Variants in LAMC1 observed in about 807,000 individuals in gnomAD.
The protein encoded by LAMC1 is laminin subunit gamma 1, also known as laminin subunit gamma-1.
Under a neutral mutation model 173.6 loss-of-function variants are expected in LAMC1, and 38 were observed. The observed-to-expected ratio is 0.22, with a 90% CI of 0.17 to 0.29. LAMC1 has a LOEUF of 0.29. Ranked by LOEUF, LAMC1 falls within the 10% of genes least tolerant of loss-of-function variation. The probability of loss-of-function intolerance (pLI) is 1.00; values close to 1 mark genes in which losing one functional copy is unlikely to be tolerated. For missense variants in LAMC1, 1,824 were observed against 2,051.8 expected, an observed-to-expected ratio of 0.89 and a Z score of 2.14; for synonymous variants, 746 against 749.1, an observed-to-expected ratio of 1.00 and a Z score of 0.07.
At chr1:183,057,064 T>C (rs1246089769) in intron 1 of LAMC1, among the ~76,000 whole-genome samples, 7 of 152,218 alleles carry the variant, frequency 4.6e-5, no homozygotes, top group African/African-American at 1.7e-4. Flanking sequence ...CAGGGCCTAC[T>C]TGGGCTGTTA....
At chr1:183,045,506 T>C (rs1654245258) in intron 1 of LAMC1, among the ~76,000 whole-genome samples, 1 of 152,120 alleles carries the variant, frequency 6.6e-6, no homozygotes, top group South Asian at 2.1e-4. Context: ...AGTATATTTT[T>C]GAAGTGTAGC....
At chr1:183,110,377 G>A (rs1178861467) in intron 3 of LAMC1, 111 bp from the exon 4 acceptor site, 3 of 802,750 alleles carry the variant, frequency 3.7e-6, no homozygotes, top group Non-Finnish European at 5.9e-6. Context: ...CAGTTCCCCA[G>A]TTTACACTTT....
chr1:183,117,273 G>C (rs1346880880), intron 8 of LAMC1, 47 bp from the exon 9 acceptor site: 1 of 1,567,912 alleles, frequency 6.4e-7, no homozygotes, highest in African/African-American at 1.4e-5. Flanking sequence ...CCTGAATTCA[G>C]GATGTTTACA....
Position 183,140,404 on chromosome 1 carries a change from G to A in LAMC1, c.4474G>A (p.Ala1492Thr), listed in dbSNP as rs1657080563. 6.2e-7 allele frequency: 1 copy of A among 1,607,692 alleles called. No homozygotes were observed. The highest frequency in any genetic ancestry group is 1.3e-5 in the African/African-American group (1 of 74,704). ...TCTTTGCCTCATTTTTCCCTTACAG[G>A]CTTCACAGGCTGCTCAAGAAGCCGA... ...ADQDMMMAGM[A>T]SQAAQEAEIN... is the part of the protein sequence containing the mutation. Residue 1492 changes from alanine to threonine, a missense_variant and splice_region_variant, in exon 27 of 28, where the codon GCT (alanine) becomes ACT (threonine). Physicochemically the swap from Ala to Thr is moderately conservative, Grantham distance 58. Coordinates refer to ENST00000258341, the MANE Select transcript of LAMC1 (RefSeq NM_002293.4).
At chr1:183,135,910 G>T (rs1170588475) in intron 24 of LAMC1, among the ~76,000 whole-genome samples, 1 of 122,344 alleles carries the variant, frequency 8.2e-6, no homozygotes, top group African/African-American at 2.9e-5. Context: ...AAAAAAAAAA[G>T]TAGTAGTTCA....
At position 183,023,514 on chromosome 1, in the gene LAMC1, A is replaced by G. The variant is rs1052429741; in HGVS notation, c.-203A>G. On this transcript the variant is annotated 5_prime_UTR_variant, in exon 1 of 28. Coordinates refer to ENST00000258341, the MANE Select transcript of LAMC1 (RefSeq NM_002293.4). Reference sequence around the variant, plus strand: ...AAGCGCGGAGGCGGCGCGCGGGGGCAGTGGTCGGCGAGCAGCGCGGTCCTC... The same window carrying G: ...AAGCGCGGAGGCGGCGCGCGGGGGCGGTGGTCGGCGAGCAGCGCGGTCCTC... The G allele has an allele frequency of 2.4e-5, 6 of 244,928 alleles. No homozygotes were observed. Among genetic ancestry groups the G allele is most frequent in the Admixed American group, 1.1e-4 (2 of 17,638 alleles). 15.2% of individuals were successfully genotyped at this position (244,928 alleles called of 1,614,324 possible). A position where few individuals can be genotyped will look rare whatever the true frequency, so the allele number is the denominator to read the frequency against.
chr1:183,109,575 G>A (rs1656083558), intron 3 of LAMC1, among the ~76,000 whole-genome samples: 1 of 152,194 alleles, frequency 6.6e-6, no homozygotes, highest in African/African-American at 2.4e-5. Context: ...TTCAGGTCAT[G>A]GGGGACATCA....
chr1:183,078,096 T>C (rs1288256254), intron 1 of LAMC1, among the ~76,000 whole-genome samples: 1 of 152,200 alleles, frequency 6.6e-6, no homozygotes, highest in Non-Finnish European at 1.5e-5. Flanking sequence ...AGAATTTTAT[T>C]ATATTTGATA....
intron 27 of LAMC1, chr1:183,141,289 A>G (rs1316826132): frequency 6.6e-6 from 1 of 152,284 alleles, no homozygotes; most frequent in African/African-American, 2.4e-5. Flanking sequence ...ACCCTGGGCA[A>G]CAGAGCGAAA....
chr1:183,138,006 G>C, intron 26 of LAMC1, 179 bp downstream of exon 26: 1 of 599,150 alleles, frequency 1.7e-6, no homozygotes, highest in African/African-American at 1.9e-5. Context: ...CTTCTGCCAG[G>C]TAATTTTGTT....
intron 1 of LAMC1, among the ~76,000 whole-genome samples, chr1:183,032,687 C>T (rs897593201): frequency 1.3e-5 from 2 of 151,996 alleles, no homozygotes; most frequent in Non-Finnish European, 2.9e-5. Context: ...CATGCCTGGC[C>T]TCTTTTTTTT....
intron 1 of LAMC1, among the ~76,000 whole-genome samples, chr1:183,057,353 A>G (rs971309188): frequency 1.3e-5 from 2 of 152,192 alleles, no homozygotes; most frequent in African/African-American, 4.8e-5. Flanking sequence ...TCCCTTTGCT[A>G]TCTTTGATGG....
chr1:183,127,527 T>A (rs1442736047), intron 17 of LAMC1, 123 bp downstream of exon 17: 2 of 791,496 alleles, frequency 2.5e-6, no homozygotes, highest in African/African-American at 1.7e-5. Flanking sequence ...CTTAAAGACT[T>A]ATGTTCCAGT....
intron 21 of LAMC1, 31 bp downstream of exon 21, chr1:183,132,568 C>T: frequency 6.4e-7 from 1 of 1,571,520 alleles, no homozygotes; most frequent in Non-Finnish European, 8.7e-7. Context: ...GTTTACACCC[C>T]TTCAGGTGTT....
At chr1:183,048,269 CA>C (rs1231522106) in intron 1 of LAMC1, among the ~76,000 whole-genome samples, 2 of 152,190 alleles carry the variant, frequency 1.3e-5, no homozygotes, top group African/African-American at 4.8e-5. Flanking sequence ...TACAAGGAAA[CA>C]TGCTGATAAA....
At chr1:183,077,772 T>TTGTGTGTGTGTGTG (rs796592939) in intron 1 of LAMC1, among the ~76,000 whole-genome samples, 5 of 78,428 alleles carry the variant, frequency 6.4e-5, no homozygotes, top group East Asian at 6.7e-4. Flanking sequence ...TTTATGGCCA[T>TTGTGTGTGTGTGTG]TGTGTATATA....
At chr1:183,041,317 A>G (rs1351471419) in intron 1 of LAMC1, among the ~76,000 whole-genome samples, 1 of 152,214 alleles carries the variant, frequency 6.6e-6, no homozygotes, top group East Asian at 1.9e-4. Context: ...TGTGGGTACT[A>G]CTACATTTTT....
chr1:183,114,419 A>C, intron 4 of LAMC1, 112 bp from the exon 5 acceptor site: 1 of 1,064,986 alleles, frequency 9.4e-7, no homozygotes, highest in Admixed American at 1.8e-5. Flanking sequence ...TTCTTAGTCT[A>C]CCACCATCTG....
intron 18 of LAMC1, among the ~76,000 whole-genome samples, chr1:183,129,418 T>G (rs909102360): frequency 2.6e-5 from 4 of 152,072 alleles, no homozygotes; most frequent in African/African-American, 4.8e-5. Context: ...AATAATTGAG[T>G]AACCTTCCAA....
Sources: gnomAD v4.1 joint callset for allele counts (sites outside exome capture counted in the v4.1 genomes callset) on GRCh38, gnomAD v4.1.1 for gene constraint, MANE v1.5 for transcripts, NCBI Gene and HGNC (gene_info 2026-07-23, HGNC 2026-07-21) for gene names.